The following SEC24A variants were observed in gnomAD, a reference collection of about 807,000 sequenced individuals.
SEC24A encodes the protein SEC24 homolog A, COPII component, also known as protein transport protein Sec24A.
A neutral mutation model predicts 129.4 loss-of-function variants in SEC24A; 93 were observed. The observed-to-expected ratio is 0.72, with a 90% CI of 0.61 to 0.85. SEC24A has a LOEUF of 0.85. SEC24A is among the 40% of genes least tolerant of loss of function. The pLI is 0.00. For synonymous variants in SEC24A, 460 were observed against 467.3 expected, an observed-to-expected ratio of 0.98 and a Z score of 0.20; for missense variants, 1,264 against 1,307.4, an observed-to-expected ratio of 0.97 and a Z score of 0.51.
chr5:134,695,442 A>G (rs1179859901), intron 13 of SEC24A, among the ~76,000 whole-genome samples: 1 of 151,514 alleles, frequency 6.6e-6, no homozygotes, highest in African/African-American at 2.4e-5. Context: ...ACCTGAGGTC[A>G]GGAGTTCGAG....
chr5:134,712,850 C>A (rs1304199246), intron 18 of SEC24A, among the ~76,000 whole-genome samples: 1 of 150,778 alleles, frequency 6.6e-6, no homozygotes, highest in Non-Finnish European at 1.5e-5. Context: ...AATTTCCTGA[C>A]CTTGTGATCC....
At chr5:134,664,633 C>G (rs1484016136) in intron 2 of SEC24A, among the ~76,000 whole-genome samples, 1 of 152,024 alleles carries the variant, frequency 6.6e-6, no homozygotes, top group African/African-American at 2.4e-5. Context: ...TACCTTGCCC[C>G]TTTGTTCCTT....
chr5:134,712,895 G>A (rs1350440797), intron 18 of SEC24A, among the ~76,000 whole-genome samples: 1 of 147,718 alleles, frequency 6.8e-6, no homozygotes, highest in Non-Finnish European at 1.5e-5. Context: ...TGGGATTACA[G>A]CCATGAGCCA....
intron 11 of SEC24A, among the ~76,000 whole-genome samples, chr5:134,689,496 C>T (rs1459312031): frequency 6.6e-6 from 1 of 152,194 alleles, no homozygotes; most frequent in Non-Finnish European, 1.5e-5. Flanking sequence ...AGTGCGGTGG[C>T]TCACGCCTGT....
At chr5:134,719,197 C>T (rs1463635822) in intron 20 of SEC24A, among the ~76,000 whole-genome samples, 1 of 151,900 alleles carries the variant, frequency 6.6e-6, no homozygotes, top group Non-Finnish European at 1.5e-5. Context: ...GCCGGGGCAA[C>T]ATGGTGAAAC....
chr5:134,696,431 A>G lies in SEC24A; in HGVS notation c.1987-695A>G, dbSNP rs146963454. The stretch of plus-strand genomic sequence containing the variant: ...AATAAAAAAATCTTTACCAACTATG[A>G]AATTATTATAGTAGATATATTTCTT... On this transcript the variant is annotated intron_variant, in intron 13 of 22. Transcript: ENST00000398844. Among the ~76,000 whole-genome samples the G allele has an allele frequency of 9.4e-3, 1,435 of 152,240 alleles. 6 individuals carry two copies. Among genetic ancestry groups the G allele is most frequent in the Admixed American group, 0.014 (217 of 15,286 alleles).
chr5:134,695,194 A>G (rs770462555), intron 13 of SEC24A, among the ~76,000 whole-genome samples: 1 of 151,970 alleles, frequency 6.6e-6, no homozygotes, highest in Non-Finnish European at 1.5e-5. Flanking sequence ...ACATAGTGAG[A>G]CCCTGTCCCT....
chr5:134,667,541 C>T (rs2080675409), intron 3 of SEC24A, among the ~76,000 whole-genome samples: 1 of 151,356 alleles, frequency 6.6e-6, no homozygotes, highest in Non-Finnish European at 1.5e-5. Flanking sequence ...GTAGTCACAG[C>T]TACTCTGGAG....
intron 4 of SEC24A, among the ~76,000 whole-genome samples, chr5:134,673,949 C>T (rs541989974): frequency 2.0e-5 from 3 of 151,938 alleles, no homozygotes; most frequent in East Asian, 1.9e-4. Flanking sequence ...GTCTGACCAA[C>T]GTAGTAAAAC....
intron 21 of SEC24A, among the ~76,000 whole-genome samples, chr5:134,721,336 G>A (rs537512245): frequency 1.3e-5 from 2 of 151,198 alleles, no homozygotes; most frequent in African/African-American, 4.9e-5. Flanking sequence ...AGGCCAGGGC[G>A]GGCTGATCAC....
intron 2 of SEC24A, among the ~76,000 whole-genome samples, chr5:134,662,928 A>G (rs577032935): frequency 3.3e-5 from 5 of 152,168 alleles, no homozygotes; most frequent in African/African-American, 1.2e-4. Context: ...AGCTCTGGCA[A>G]TTGAGGCTGC....
At chr5:134,675,901 A>G (rs988273778) in intron 6 of SEC24A, 122 bp from the exon 7 acceptor site, 2 of 611,090 alleles carry the variant, frequency 3.3e-6, no homozygotes, top group African/African-American at 1.9e-5. Flanking sequence ...TTGAGACTCT[A>G]TTGAAATATT....
intron 13 of SEC24A, among the ~76,000 whole-genome samples, chr5:134,696,333 A>G (rs1269413741): frequency 6.6e-6 from 1 of 151,950 alleles, no homozygotes; most frequent in East Asian, 1.9e-4. Flanking sequence ...AGTTGAAAGG[A>G]CTAAGTAAGT....
chr5:134,724,725 T>C (rs919083124), intron 22 of SEC24A, among the ~76,000 whole-genome samples: 5 of 152,240 alleles, frequency 3.3e-5, no homozygotes, highest in Non-Finnish European at 7.3e-5. Flanking sequence ...CTCTTTGATA[T>C]ACTGATTTCA....
rs1267715885 is a variant in SEC24A at position 134,725,895 on chromosome 5, A to G, written c.*801A>G. On this transcript the variant is annotated 3_prime_UTR_variant, in exon 23 of 23. Coordinates refer to ENST00000398844, the MANE Select transcript of SEC24A (RefSeq NM_021982.3). ...GAGATAAGAAACTTTAATTATCTTGATCCTTTAAGTGGATTTTATTTGGTG... is the reference window on the plus strand; with the variant it reads ...GAGATAAGAAACTTTAATTATCTTGGTCCTTTAAGTGGATTTTATTTGGTG... 2 of 152,274 alleles carry G rather than the reference A, an allele frequency of 1.3e-5. No homozygotes were observed. The highest frequency in any genetic ancestry group is 6.6e-5 in the Admixed American group (1 of 15,260). The allele number at this position is 152,274 out of a possible 1,614,324, so 9.4% of individuals were successfully genotyped here. A position where few individuals can be genotyped will look rare whatever the true frequency, so the allele number is the denominator to read the frequency against.
intron 1 of SEC24A, among the ~76,000 whole-genome samples, chr5:134,652,514 G>A (rs972167697): frequency 3.3e-5 from 5 of 151,782 alleles, no homozygotes; most frequent in East Asian, 3.9e-4. Context: ...TCGAACTCCC[G>A]AGCTCAGGTG....
Position 134,723,663 on chromosome 5 carries a change from G to A in SEC24A, c.3160G>A (p.Val1054Ile). 2 of 1,576,972 alleles carry A rather than the reference G, an allele frequency of 1.3e-6. No homozygotes were observed. The highest frequency in any genetic ancestry group is 2.2e-5 in the South Asian group (2 of 89,974). Residue 1054 changes from valine to isoleucine, a missense_variant, in exon 22 of 23, where the codon GTA becomes ATA. Coordinates refer to ENST00000398844, the MANE Select transcript of SEC24A (RefSeq NM_021982.3). ...GAGACCATTTTTCCCAATACTTTAT[G>A]TAATAAGGTAAGTTGAATTTTCCAT... ...EQRPFFPILYVIRDESPMKAN... is the reference protein window; with the variant it reads ...EQRPFFPILYIIRDESPMKAN...
intron 15 of SEC24A, among the ~76,000 whole-genome samples, chr5:134,702,286 A>G (rs987252718): frequency 6.6e-5 from 10 of 152,196 alleles, no homozygotes; most frequent in Non-Finnish European, 1.2e-4. Flanking sequence ...AATACCTGGG[A>G]TTACAGGCAC....
rs753389431 is a variant in SEC24A at position 134,693,126 on chromosome 5, G to A, written c.1779+469G>A. The A allele has an allele frequency of 2.6e-6, 4 of 1,535,524 alleles. No homozygotes were observed. The Admixed American group carries it at 5.9e-5, about 23-fold the overall frequency. On this transcript the variant is annotated intron_variant, in intron 12 of 22. Transcript: ENST00000398844. ...AGAGGTGAACAGAATGTGTCTGAAG[G>A]GGGGATGTTGTCTACCCTGTACATG...
Sources: gnomAD v4.1 joint callset for allele counts (sites outside exome capture counted in the v4.1 genomes callset) on GRCh38, gnomAD v4.1.1 for gene constraint, MANE v1.5 for transcripts, NCBI Gene and HGNC (gene_info 2026-07-23, HGNC 2026-07-21) for gene names.